Variants in FMN2 observed in about 807,000 individuals in gnomAD.
The protein encoded by FMN2 is formin-2.
FMN2 carries 51 observed loss-of-function variants against 142.3 expected under a neutral mutation model. The observed-to-expected ratio is 0.36, with a 90% CI of 0.29 to 0.45. The LOEUF is 0.45. FMN2 is among the 20% of genes least tolerant of loss of function. The probability of loss-of-function intolerance (pLI) is 1.00; values close to 1 mark genes in which losing one functional copy is unlikely to be tolerated. For missense variants in FMN2, 1,936 were observed against 2,122.8 expected (o/e 0.91, Z 1.73); for synonymous variants, 882 against 869.8 (o/e 1.01, Z -0.25).
At chr1:240,248,656 T>C (rs1191399903) in intron 6 of FMN2, among the ~76,000 whole-genome samples, 2 of 151,786 alleles carry the variant, frequency 1.3e-5, no homozygotes, top group Non-Finnish European at 2.9e-5. Flanking sequence ...CTATTTTTAG[T>C]TTTTTGAAAT....
At chr1:240,253,607 A>G (rs1295901509) in intron 6 of FMN2, among the ~76,000 whole-genome samples, 3 of 152,164 alleles carry the variant, frequency 2.0e-5, no homozygotes, top group African/African-American at 7.2e-5. Context: ...TGTCTTTTTC[A>G]TTGGAATTTG....
At chr1:240,111,773 C>G (rs1444789151) in intron 1 of FMN2, among the ~76,000 whole-genome samples, 2 of 152,150 alleles carry the variant, frequency 1.3e-5, no homozygotes, top group African/African-American at 4.8e-5. Context: ...TACCCAGCCT[C>G]TATTCAAGAT....
chr1:240,095,397 A>ACACACACC (rs1476373052), intron 1 of FMN2, among the ~76,000 whole-genome samples: 2 of 151,842 alleles, frequency 1.3e-5, no homozygotes, highest in African/African-American at 4.8e-5. Context: ...ACACACACAC[A>ACACACACC]CACACACACA....
intron 14 of FMN2, among the ~76,000 whole-genome samples, chr1:240,359,750 C>T (rs1040331386): frequency 1.3e-5 from 2 of 152,208 alleles, no homozygotes; most frequent in African/African-American, 4.8e-5. Flanking sequence ...GATATGTACC[C>T]TCCTTGAGAG....
chr1:240,187,184 C>T (rs934677165), intron 3 of FMN2, among the ~76,000 whole-genome samples: 5 of 144,228 alleles, frequency 3.5e-5, no homozygotes, highest in Non-Finnish European at 7.5e-5. Flanking sequence ...GCAGGAGAAT[C>T]GCTTGAACCC....
intron 14 of FMN2, among the ~76,000 whole-genome samples, chr1:240,362,329 T>A (rs1231382341): frequency 2.0e-5 from 3 of 152,212 alleles, no homozygotes; most frequent in Non-Finnish European, 4.4e-5. Context: ...TTTTTGTGCA[T>A]GTGAGATGAA....
chr1:240,296,164 G>A (rs1669970005), intron 8 of FMN2, among the ~76,000 whole-genome samples: 1 of 151,320 alleles, frequency 6.6e-6, no homozygotes, highest in African/African-American at 2.4e-5. Context: ...TCACTAGGTG[G>A]CAGGACATTT....
intron 13 of FMN2, among the ~76,000 whole-genome samples, chr1:240,349,173 C>T (rs1672012896): frequency 6.6e-6 from 1 of 152,022 alleles, no homozygotes; most frequent in African/African-American, 2.4e-5. Flanking sequence ...TGCACTTACA[C>T]CTACTTTGCA....
intron 6 of FMN2, among the ~76,000 whole-genome samples, chr1:240,242,744 G>A (rs1230768841): frequency 6.6e-6 from 1 of 152,160 alleles, no homozygotes; most frequent in Non-Finnish European, 1.5e-5. Context: ...GACAAACAAA[G>A]CAAGACGCTT....
chr1:240,394,999 A>C (rs1227230917), intron 15 of FMN2, among the ~76,000 whole-genome samples: 1 of 152,180 alleles, frequency 6.6e-6, no homozygotes, highest in African/African-American at 2.4e-5. Flanking sequence ...TTTTTTAAAA[A>C]GTGAAGCTTC....
intron 6 of FMN2, among the ~76,000 whole-genome samples, chr1:240,227,504 A>G (rs1181350067): frequency 2.0e-5 from 3 of 152,196 alleles, no homozygotes; most frequent in Non-Finnish European, 2.9e-5. Context: ...AGCCAAAACA[A>G]TCTAGCAAAA....
intron 4 of FMN2, among the ~76,000 whole-genome samples, chr1:240,206,015 G>T (rs11581627): frequency 4.0e-5 from 6 of 150,458 alleles, no homozygotes; most frequent in Admixed American, 6.7e-5. Context: ...CTGTCCTTCC[G>T]CCTCAGCCTC....
chr1:240,223,438 A>T (rs935331420), intron 6 of FMN2, among the ~76,000 whole-genome samples: 2 of 152,116 alleles, frequency 1.3e-5, no homozygotes, highest in African/African-American at 4.8e-5. Flanking sequence ...TATTGGCCTG[A>T]AATTTTTTTG....
At chr1:240,471,606 G>T in intron 16 of FMN2, 1 of 152,438 alleles carries the variant, frequency 6.6e-6, no homozygotes, top group Non-Finnish European at 1.5e-5. Flanking sequence ...TCGATCTCCT[G>T]ACCTTGTGAT....
At chr1:240,412,530 T>C (rs1278652178) in intron 15 of FMN2, among the ~76,000 whole-genome samples, 1 of 152,078 alleles carries the variant, frequency 6.6e-6, no homozygotes, top group Non-Finnish European at 1.5e-5. Context: ...AAATCTGCCT[T>C]GTAGGGTAGA....
chr1:240,361,137 ATGTGTATATATATAT>A (rs1672455389), intron 14 of FMN2, among the ~76,000 whole-genome samples: 74 of 121,198 alleles, frequency 6.1e-4, no homozygotes, highest in Middle Eastern at 4.5e-3. Context: ...AAATAAATAT[ATGTGTATATATATAT>A]ATATATATAT....
intron 2 of FMN2, among the ~76,000 whole-genome samples, chr1:240,137,954 G>C (rs1180133329): frequency 6.6e-6 from 1 of 151,200 alleles, no homozygotes; most frequent in Non-Finnish European, 1.5e-5. Context: ...GCCGGGTGCA[G>C]TCGTGTGCGC....
intron 15 of FMN2, among the ~76,000 whole-genome samples, chr1:240,405,538 A>G (rs1290502703): frequency 1.3e-5 from 2 of 152,066 alleles, no homozygotes; most frequent in Non-Finnish European, 2.9e-5. Flanking sequence ...GAAGGGCTTG[A>G]ACCCGGGAGG....
chr1:240,462,019 A>T (rs1331924730), intron 16 of FMN2, among the ~76,000 whole-genome samples: 2 of 152,182 alleles, frequency 1.3e-5, no homozygotes, highest in Non-Finnish European at 2.9e-5. Context: ...ATTATATTTC[A>T]ACCTTCCTCA....
Sources: gnomAD v4.1 joint callset for allele counts (sites outside exome capture counted in the v4.1 genomes callset) on GRCh38, gnomAD v4.1.1 for gene constraint, MANE v1.5 for transcripts, NCBI Gene and HGNC (gene_info 2026-07-23, HGNC 2026-07-21) for gene names.